Variants in MTDH observed in about 807,000 individuals in gnomAD.
MTDH encodes the protein protein LYRIC.
A neutral mutation model predicts 72.7 loss-of-function variants in MTDH; 34 were observed. The ratio of observed to expected loss-of-function variants is 0.47; its 90% CI spans 0.36 to 0.62. MTDH has a LOEUF of 0.62. Ranked by LOEUF, MTDH falls within the 20% of genes least tolerant of loss-of-function variation. The pLI is 0.00. For synonymous variants in MTDH, 266 were observed against 268.9 expected (o/e 0.99, Z 0.10); for missense variants, 677 against 699.4 (o/e 0.97, Z 0.36).
intron 4 of MTDH, among the ~76,000 whole-genome samples, chr8:97,688,434 A>G (rs574181734): frequency 1.8e-3 from 280 of 152,256 alleles, no homozygotes; most frequent in Middle Eastern, 3.4e-3. Context: ...CATATTAGCT[A>G]TGCTTTAGTA....
intron 1 of MTDH, among the ~76,000 whole-genome samples, chr8:97,654,438 A>C (rs1389623553): frequency 6.6e-6 from 1 of 152,188 alleles, no homozygotes; most frequent in Non-Finnish European, 1.5e-5. Context: ...AAATGAGATA[A>C]TGCGTGTAAT....
intron 2 of MTDH, among the ~76,000 whole-genome samples, chr8:97,665,452 A>G (rs1812344536): frequency 1.3e-5 from 2 of 152,194 alleles, no homozygotes; most frequent in Non-Finnish European, 2.9e-5. Context: ...TGTAAGATGT[A>G]CTTACCCTCA....
intron 1 of MTDH, among the ~76,000 whole-genome samples, chr8:97,658,854 A>G (rs1812072324): frequency 6.6e-6 from 1 of 152,136 alleles, no homozygotes; most frequent in African/African-American, 2.4e-5. Context: ...TAAGATGATG[A>G]TATTAGAGGC....
chr8:97,703,726 T>G (rs1401484334), intron 7 of MTDH, among the ~76,000 whole-genome samples: 1 of 152,182 alleles, frequency 6.6e-6, no homozygotes, highest in Non-Finnish European at 1.5e-5. Flanking sequence ...TCATCAGAAT[T>G]GTGAGAAATA....
chr8:97,715,066 G>C (rs1450235233), intron 9 of MTDH, among the ~76,000 whole-genome samples: 1 of 151,896 alleles, frequency 6.6e-6, no homozygotes, highest in African/African-American at 2.4e-5. Context: ...TCTCAAGTGA[G>C]CGGCCCAACT....
At chr8:97,655,040 C>T (rs1031308077) in intron 1 of MTDH, among the ~76,000 whole-genome samples, 2 of 151,452 alleles carry the variant, frequency 1.3e-5, no homozygotes, top group African/African-American at 2.4e-5. Flanking sequence ...TGCAGTGAGT[C>T]GAGCCGAGAT....
chr8:97,719,079 G>A lies in MTDH; in HGVS notation c.1411G>A (p.Glu471Lys). The change falls in exon 10 of 12, where the codon GAA becomes AAA. Residue 471 changes from glutamate to lysine, a missense_variant. Physicochemically the swap from Glu to Lys is moderately conservative, Grantham distance 56. Coordinates refer to ENST00000336273, the MANE Select transcript of MTDH (RefSeq NM_178812.4). ...AGAAGAATTAGAAAAAGAGATTAGA[G>A]AAGACCTTCCAGTGAATACCTCTAA... ...DTEELEKEIR[E>K]DLPVNTSKTR... is the part of the protein sequence containing the mutation. 6.2e-7 allele frequency: 1 copy of A among 1,612,196 alleles called. No homozygotes were observed. The highest frequency in any genetic ancestry group is 8.5e-7 in the Non-Finnish European group (1 of 1,178,954).
intron 8 of MTDH, among the ~76,000 whole-genome samples, chr8:97,709,733 C>A (rs1241514002): frequency 6.6e-6 from 1 of 152,066 alleles, no homozygotes; most frequent in Non-Finnish European, 1.5e-5. Context: ...TGGATAGACA[C>A]AGAAGTTGTT....
chr8:97,683,521 A>G (rs572273193), intron 2 of MTDH, among the ~76,000 whole-genome samples: 1 of 151,002 alleles, frequency 6.6e-6, no homozygotes, highest in Admixed American at 6.6e-5. Context: ...TCAGCCTCCC[A>G]AGTAGCTGGA....
chr8:97,713,746 G>A lies in MTDH; in HGVS notation c.1357G>A (p.Gly453Ser). Residue 453 changes from glycine (G) to serine (S), a missense_variant, in exon 9 of 12, where the codon GGT becomes AGT. Gly to Ser is a moderately conservative substitution (Grantham distance 56). Around this residue, in one of 3 missense-constraint regions of MTDH, gnomAD observed 201 missense variants for 204.5 expected, o/e 0.98. Transcript: ENST00000336273. ...KKKKKKKKKQ[G>S]EDNSTAQDTE... ...GAAAAAAAAGAAAAAGAAGAAGCAA[G>A]GTGAAGATAACTCTACTGCACAGGT... 6.3e-7 allele frequency: 1 copy of A among 1,599,208 alleles called. No homozygotes were observed. The highest frequency in any genetic ancestry group is 8.5e-7 in the Non-Finnish European group (1 of 1,172,784).
At chr8:97,667,773 C>T (rs1302865995) in intron 2 of MTDH, among the ~76,000 whole-genome samples, 4 of 147,084 alleles carry the variant, frequency 2.7e-5, no homozygotes, top group Non-Finnish European at 5.9e-5. Flanking sequence ...AGGAGGATTG[C>T]TTGAGCCCAT....
intron 2 of MTDH, among the ~76,000 whole-genome samples, chr8:97,680,698 C>A (rs765474600): frequency 1.5e-4 from 23 of 152,114 alleles, no homozygotes; most frequent in Non-Finnish European, 3.4e-4. Flanking sequence ...TTTGAGATGA[C>A]TTCTGATACA....
intron 2 of MTDH, among the ~76,000 whole-genome samples, chr8:97,680,099 G>A (rs1302499836): frequency 1.3e-5 from 2 of 152,042 alleles, no homozygotes; most frequent in Non-Finnish European, 2.9e-5. Flanking sequence ...TTGAGACAAG[G>A]TCTTGCTCTG....
intron 1 of MTDH, among the ~76,000 whole-genome samples, chr8:97,645,629 G>A (rs1811537423): frequency 6.6e-6 from 1 of 152,112 alleles, no homozygotes; most frequent in Admixed American, 6.5e-5. Flanking sequence ...GAGATGACAG[G>A]GCAGAATGGT....
At chr8:97,723,357 C>T (rs1815214311) in intron 11 of MTDH, among the ~76,000 whole-genome samples, 2 of 150,778 alleles carry the variant, frequency 1.3e-5, no homozygotes, top group African/African-American at 4.9e-5. Context: ...AAAATCGTGC[C>T]ACTGCACTCC....
At chr8:97,720,774 C>T (rs1192607184) in intron 10 of MTDH, among the ~76,000 whole-genome samples, 2 of 151,550 alleles carry the variant, frequency 1.3e-5, no homozygotes, top group Admixed American at 1.3e-4. Context: ...CTGCCTCAGC[C>T]TCCCAAGTAG....
intron 2 of MTDH, among the ~76,000 whole-genome samples, chr8:97,667,213 C>G (rs1368315861): frequency 6.6e-6 from 1 of 152,132 alleles, no homozygotes. Flanking sequence ...TTGAACTCCT[C>G]AGCTCAAAGC....
chr8:97,677,170 A>C (rs1176341449), intron 2 of MTDH, among the ~76,000 whole-genome samples: 1 of 94,980 alleles, frequency 1.1e-5, no homozygotes, highest in Non-Finnish European at 1.9e-5. Flanking sequence ...GCAACAGTAA[A>C]AGCCTGTCTC....
At chr8:97,665,313 A>G (rs941894882) in intron 2 of MTDH, among the ~76,000 whole-genome samples, 5 of 152,190 alleles carry the variant, frequency 3.3e-5, no homozygotes, top group African/African-American at 4.8e-5. Context: ...TTAAACTGCT[A>G]TAGTTTTCTA....
Sources: gnomAD v4.1 joint callset for allele counts (sites outside exome capture counted in the v4.1 genomes callset) on GRCh38, gnomAD v4.1.1 for gene constraint, gnomAD v4.1.1 regional missense constraint, MANE v1.5 for transcripts, NCBI Gene and HGNC (gene_info 2026-07-23, HGNC 2026-07-21) for gene names.